The following DOCK5 variants were observed in gnomAD, a reference collection of about 807,000 sequenced individuals.
DOCK5 encodes dedicator of cytokinesis 5.
DOCK5 carries 142 observed loss-of-function variants against 251.8 expected under a neutral mutation model. The ratio of observed to expected loss-of-function variants is 0.56; its 90% CI spans 0.49 to 0.65. DOCK5 has a LOEUF of 0.65. Among genes scored for constraint, DOCK5 ranks in the 30% least tolerant of loss-of-function variants. DOCK5 has a pLI of 0.00. For synonymous variants in DOCK5, 842 were observed against 835.5 expected (o/e 1.01, Z -0.13); for missense variants, 2,111 against 2,312.3 (o/e 0.91, Z 1.79).
intron 34 of DOCK5, among the ~76,000 whole-genome samples, chr8:25,370,909 G>T (rs1338498202): frequency 1.3e-5 from 2 of 152,128 alleles, no homozygotes; most frequent in Non-Finnish European, 2.9e-5. Context: ...TTCCTAATGG[G>T]CTGGGATTTA....
chr8:25,268,846 T>A lies in DOCK5; in HGVS notation c.129T>A (p.Gly43=). ...DTVHILEMYE[G]WYRGYTLQNK... ...TTGTGTTCTCTTTTGCTCTGACAGG[T>A]TGGTACAGAGGATATACCCTCCAAA... The change falls in exon 3 of 52, where the codon GGT becomes GGA. Residue 43 remains glycine (G), a splice_region_variant and synonymous_variant. Transcript: ENST00000276440. The A allele has an allele frequency of 6.3e-7, 1 of 1,575,090 alleles. No homozygotes were observed. The highest frequency in any genetic ancestry group is 1.2e-5 in the South Asian group (1 of 84,586).
At position 25,411,467 on chromosome 8, in the gene DOCK5, A is replaced by T; in HGVS notation, c.*169A>T. On this transcript the variant is annotated 3_prime_UTR_variant, in exon 52 of 52. Transcript: ENST00000276440. The stretch of plus-strand genomic sequence containing the variant: ...ATGTTCTTCCAAAAGCTTCTCTTTG[A>T]TAGAATTTTGAGGCCATGCCACCTC... 5 of 1,056,980 alleles carry T rather than the reference A, an allele frequency of 4.7e-6. No homozygotes were observed. The South Asian group carries it at 1.6e-4, about 34-fold the overall frequency. The allele number at this position is 1,056,980 out of a possible 1,614,324, so 65.5% of individuals were successfully genotyped here.
At position 25,372,828 on chromosome 8, in the gene DOCK5, T is replaced by C. The variant is rs1271188852; in HGVS notation, c.3684+110T>C. 5 of 1,086,608 alleles carry C rather than the reference T, an allele frequency of 4.6e-6. No individual in the cohort carries two copies. In the African/African-American group the frequency reaches 5.0e-5, roughly 11 times the overall value. The allele number at this position is 1,086,608 out of a possible 1,614,324, so 67.3% of individuals were successfully genotyped here. ...AACACAGAGGCGCCCTGAGGCACCT[T>C]TGTGGAGCCGGTGTCTTCCTAAGTC... On this transcript the variant is annotated intron_variant, in intron 35 of 51. Transcript: ENST00000276440.
intron 51 of DOCK5, among the ~76,000 whole-genome samples, chr8:25,410,477 G>A (rs76869527): frequency 6.6e-6 from 1 of 151,702 alleles, no homozygotes; most frequent in Admixed American, 6.6e-5. Context: ...TTTTAGGGGG[G>A]CGGGGGCAGG....
intron 50 of DOCK5, 139 bp from the exon 51 acceptor site, chr8:25,409,960 C>T (rs1379040176): frequency 4.4e-6 from 3 of 677,656 alleles, no homozygotes; most frequent in Middle Eastern, 2.5e-4. Context: ...CTTCTTCGTT[C>T]TATCCGCAGA....
rs751959367 is a variant in DOCK5 at position 25,292,157 on chromosome 8, T to C, written c.455T>C (p.Ile152Thr). 67 of 1,578,906 alleles carry C rather than the reference T, an allele frequency of 4.2e-5. No individual in the cohort carries two copies. The Middle Eastern group carries it at 6.6e-4, about 16-fold the overall frequency. Reference sequence around the variant, plus strand: ...CTCAAGAAGAAAGTCACAGCCAAAATTGATCATGGGAACAGGTAGGTAAAC... The same window carrying C: ...CTCAAGAAGAAAGTCACAGCCAAAACTGATCATGGGAACAGGTAGGTAAAC... ...AELKKKVTAK[I>T]DHGNRMLGLD... Residue 152 changes from isoleucine to threonine, a missense_variant, in exon 6 of 52, where the codon ATT becomes ACT. Around this residue, in one of 3 missense-constraint regions of DOCK5, gnomAD observed 335 missense variants for 324.9 expected, o/e 1.03. Coordinates refer to ENST00000276440, the MANE Select transcript of DOCK5 (RefSeq NM_024940.8).
At chr8:25,236,550 G>T (rs1320530223) in intron 1 of DOCK5, among the ~76,000 whole-genome samples, 1 of 152,044 alleles carries the variant, frequency 6.6e-6, no homozygotes, top group Non-Finnish European at 1.5e-5. Flanking sequence ...GGCAGATCAA[G>T]ATCATAATGG....
chr8:25,337,276 A>C (rs1393894753), intron 22 of DOCK5, among the ~76,000 whole-genome samples: 1 of 152,150 alleles, frequency 6.6e-6, no homozygotes, highest in Non-Finnish European at 1.5e-5. Flanking sequence ...TTACCTATAC[A>C]TTTGAAAAAG....
rs370179056 is a variant in DOCK5 at position 25,372,814 on chromosome 8, G to A, written c.3684+96G>A. On this transcript the variant is annotated intron_variant, in intron 35 of 51. Coordinates refer to ENST00000276440, the MANE Select transcript of DOCK5 (RefSeq NM_024940.8). Reference sequence around the variant, plus strand: ...AGGTAGATCCCACAAACACAGAGGCGCCCTGAGGCACCTTTGTGGAGCCGG... The same window carrying A: ...AGGTAGATCCCACAAACACAGAGGCACCCTGAGGCACCTTTGTGGAGCCGG... 3.0e-4 allele frequency: 380 copies of A among 1,256,114 alleles called. 5 individuals are homozygous for A. The East Asian group carries it at 5.1e-3, about 17-fold the overall frequency. The allele number at this position is 1,256,114 out of a possible 1,614,324, so 77.8% of individuals were successfully genotyped here.
chr8:25,334,038 G>A, intron 20 of DOCK5, 58 bp from the exon 21 acceptor site: 1 of 1,354,820 alleles, frequency 7.4e-7, no homozygotes, highest in Non-Finnish European at 1.1e-6. Flanking sequence ...AATGCGGCTT[G>A]TTGACAGAAT....
At chr8:25,241,955 A>G (rs1802960777) in intron 1 of DOCK5, among the ~76,000 whole-genome samples, 1 of 151,458 alleles carries the variant, frequency 6.6e-6, no homozygotes, top group African/African-American at 2.4e-5. Flanking sequence ...TTGAACAATG[A>G]GAACACAAGG....
At chr8:25,381,657 C>T (rs926672051) in intron 39 of DOCK5, among the ~76,000 whole-genome samples, 31 of 151,814 alleles carry the variant, frequency 2.0e-4, no homozygotes, top group Non-Finnish European at 4.1e-4. Context: ...ATCAACTGAA[C>T]TGAGCTGAAA....
intron 1 of DOCK5, among the ~76,000 whole-genome samples, chr8:25,186,605 C>A (rs189521815): frequency 4.6e-5 from 7 of 152,254 alleles, no homozygotes; most frequent in African/African-American, 1.4e-4. Flanking sequence ...TCTCAAACTC[C>A]TGACCTCAGG....
chr8:25,258,618 G>T (rs1309215234), intron 2 of DOCK5, among the ~76,000 whole-genome samples: 1 of 152,154 alleles, frequency 6.6e-6, no homozygotes, highest in African/African-American at 2.4e-5. Flanking sequence ...GATCCCAGGA[G>T]AACAAAGAAG....
intron 1 of DOCK5, among the ~76,000 whole-genome samples, chr8:25,217,187 GATATAT>G (rs144548125): frequency 1.3e-4 from 19 of 146,596 alleles, no homozygotes; most frequent in African/African-American, 3.0e-4. Flanking sequence ...GAGAGAGAGA[GATATAT>G]ATATATATAC....
In DOCK5 at chr8:25,374,484, A is replaced by G. The variant is rs539545028; in HGVS notation, c.3726-80A>G. On this transcript the variant is annotated intron_variant, in intron 36 of 51. Transcript: ENST00000276440. ...CATACTGCAGCCTGGGCAATACAGCAAGACCCTGTCTCAAAACAGAACTAA... is the reference window on the plus strand; with the variant it reads ...CATACTGCAGCCTGGGCAATACAGCGAGACCCTGTCTCAAAACAGAACTAA... The G allele has an allele frequency of 3.3e-5, 44 of 1,341,822 alleles. No homozygotes were observed. In the African/African-American group the frequency reaches 6.0e-4, roughly 18 times the overall value. 83.1% of individuals were successfully genotyped at this position (1,341,822 alleles called of 1,614,324 possible).
rs1162352769 is a variant in DOCK5 at position 25,300,554 on chromosome 8, C to A, written c.765-22C>A. 10 of 1,489,946 alleles carry A rather than the reference C, an allele frequency of 6.7e-6. No individual in the cohort carries two copies. The Admixed American group carries it at 1.6e-4, about 24-fold the overall frequency. The allele number at this position is 1,489,946 out of a possible 1,614,324, so 92.3% of individuals were successfully genotyped here. ...ACCCCAGTTAGCCTCTCATTAAGAG[C>A]AATTTTTTTTTCCTTTGCCAGTGAG... On this transcript the variant is annotated intron_variant, in intron 8 of 51. Transcript: ENST00000276440.
rs71214554 is a variant in DOCK5 at position 25,190,776 on chromosome 8, G to GT, written c.43+5850dup. On this transcript the variant is annotated intron_variant, in intron 1 of 51. Coordinates refer to ENST00000276440, the MANE Select transcript of DOCK5 (RefSeq NM_024940.8). ...AGGCCTGGCCTTAACTTGGTCATGG[G>GT]TTTTTTTTTTTTTTTTTTTTTTTTT... Among the ~76,000 whole-genome samples the GT allele has an allele frequency of 1.1e-4, 7 of 63,414 alleles. 1 individual carries two copies. The highest frequency in any genetic ancestry group is 1.7e-4 in the African/African-American group (3 of 17,976). 41.6% of individuals were successfully genotyped at this position (63,414 alleles called of 152,430 possible).
intron 27 of DOCK5, among the ~76,000 whole-genome samples, chr8:25,356,926 TATATATA>T (rs1800585636): frequency 1.3e-5 from 1 of 76,264 alleles, no homozygotes; most frequent in African/African-American, 3.9e-5. Flanking sequence ...TATATATATA[TATATATA>T]TATATATATA....
Sources: gnomAD v4.1 joint callset for allele counts (sites outside exome capture counted in the v4.1 genomes callset) on GRCh38, gnomAD v4.1.1 for gene constraint, gnomAD v4.1.1 regional missense constraint, MANE v1.5 for transcripts, NCBI Gene and HGNC (gene_info 2026-07-23, HGNC 2026-07-21) for gene names.